Variants in HEPHL1 observed in about 807,000 individuals in gnomAD.
HEPHL1 encodes hephaestin like 1, also known as ferroxidase HEPHL1.
Under a neutral mutation model 122.0 loss-of-function variants are expected in HEPHL1, and 123 were observed. That is an observed-to-expected ratio of 1.01 (90% CI 0.87 to 1.17). The LOEUF (loss-of-function observed/expected upper bound fraction) is 1.17, where lower values mean the gene tolerates loss of function less well. Among genes scored for constraint, HEPHL1 ranks in the 50% most tolerant of loss-of-function variants. The pLI, the probability that HEPHL1 is intolerant of heterozygous loss-of-function variation, is 0.00. For missense variants in HEPHL1, 1,452 were observed against 1,430.5 expected, an observed-to-expected ratio of 1.01 and a Z score of -0.24; for synonymous variants, 527 against 508.9, an observed-to-expected ratio of 1.04 and a Z score of -0.48.
At chr11:94,099,239 C>T (rs1311665106) in intron 13 of HEPHL1, among the ~76,000 whole-genome samples, 1 of 152,252 alleles carries the variant, frequency 6.6e-6, no homozygotes, top group Non-Finnish European at 1.5e-5. Context: ...ACAGTCAGGG[C>T]CCTCAGCTGC....
chr11:94,053,596 T>A (rs770605875), intron 2 of HEPHL1, among the ~76,000 whole-genome samples: 1 of 152,218 alleles, frequency 6.6e-6, no homozygotes, highest in Non-Finnish European at 1.5e-5. Flanking sequence ...ACTTAAAATC[T>A]AAATTTCCTT....
At chr11:94,064,047 C>G (rs184760225) in intron 3 of HEPHL1, among the ~76,000 whole-genome samples, 3 of 152,168 alleles carry the variant, frequency 2.0e-5, no homozygotes, top group Non-Finnish European at 2.9e-5. Flanking sequence ...GCTATTTTAT[C>G]CCTTATTAGT....
chr11:94,063,563 T>C lies in HEPHL1; in HGVS notation c.471T>C (p.Pro157=), dbSNP rs1227072600. The change falls in exon 3 of 20, where the codon CCT becomes CCC. Residue 157 remains proline (P), a synonymous_variant. Transcript: ENST00000315765. ...SGRNKNDDMV[P]PGKNYTYVWP... ...GGAACAAAAATGATGACATGGTTCC[T>C]CCTGGGAAAAACTACACCTACGTCT... The C allele has an allele frequency of 6.2e-7, 1 of 1,613,504 alleles. No homozygotes were observed. The highest frequency in any genetic ancestry group is 8.5e-7 in the Non-Finnish European group (1 of 1,179,760).
chr11:94,109,740 T>C (rs1383685374), intron 17 of HEPHL1, among the ~76,000 whole-genome samples: 2 of 152,204 alleles, frequency 1.3e-5, no homozygotes, highest in Non-Finnish European at 2.9e-5. Context: ...TTTGCTAGTA[T>C]TTTGTTATGG....
intron 1 of HEPHL1, among the ~76,000 whole-genome samples, chr11:94,029,131 C>G (rs555953179): frequency 6.6e-6 from 1 of 152,274 alleles, no homozygotes; most frequent in South Asian, 2.1e-4. Flanking sequence ...CCAGCCTCAA[C>G]AAATTTTTAT....
At chr11:94,048,169 C>G (rs1316154575) in intron 2 of HEPHL1, among the ~76,000 whole-genome samples, 2 of 152,038 alleles carry the variant, frequency 1.3e-5, no homozygotes, top group African/African-American at 2.4e-5. Context: ...TAATGTAATT[C>G]CTTTTAAGGC....
At chr11:94,056,563 T>C (rs1360825542) in intron 2 of HEPHL1, among the ~76,000 whole-genome samples, 4 of 152,250 alleles carry the variant, frequency 2.6e-5, no homozygotes, top group South Asian at 4.1e-4. Flanking sequence ...ATATGCACCC[T>C]AGTTTATTAC....
chr11:94,092,030 GT>G (rs1367601861), intron 12 of HEPHL1, among the ~76,000 whole-genome samples: 1 of 152,158 alleles, frequency 6.6e-6, no homozygotes, highest in Non-Finnish European at 1.5e-5. Context: ...GTTGTTAAAT[GT>G]ATAGCTTAGG....
chr11:94,023,946 G>T (rs2134400383), intron 1 of HEPHL1, among the ~76,000 whole-genome samples: 1 of 152,302 alleles, frequency 6.6e-6, no homozygotes, highest in Non-Finnish European at 1.5e-5. Context: ...TGGACCACAA[G>T]ATATCCATCC....
intron 2 of HEPHL1, among the ~76,000 whole-genome samples, chr11:94,061,856 C>T (rs1357288249): frequency 6.6e-6 from 1 of 152,048 alleles, no homozygotes; most frequent in Non-Finnish European, 1.5e-5. Flanking sequence ...CTTGAAAATA[C>T]TCTCTCAGAA....
intron 2 of HEPHL1, among the ~76,000 whole-genome samples, chr11:94,049,591 A>T (rs2134418193): frequency 6.7e-6 from 1 of 148,884 alleles, no homozygotes; most frequent in South Asian, 2.2e-4. Context: ...TCCTGAGAAT[A>T]AAAGATGAAT....
At position 94,111,586 on chromosome 11, in the gene HEPHL1, A is replaced by C; in HGVS notation, c.3258A>C (p.Pro1086=). The C allele has an allele frequency of 3.7e-6, 6 of 1,606,480 alleles. No homozygotes were observed. The highest frequency in any genetic ancestry group is 5.1e-6 in the Non-Finnish European group (6 of 1,176,226). The part of the protein sequence containing the change: ...STTSPGVASH[P]ATVPSNERPG... ...CATCTCCTGGAGTGGCATCTCACCC[A>C]GCCACGGTGCCATCTAACGGTAATG... Residue 1086 remains proline, a synonymous_variant, in exon 19 of 20, where the codon CCA becomes CCC. Coordinates refer to ENST00000315765, the MANE Select transcript of HEPHL1 (RefSeq NM_001098672.2).
intron 13 of HEPHL1, among the ~76,000 whole-genome samples, chr11:94,099,853 C>T (rs549867704): frequency 6.6e-6 from 1 of 152,316 alleles, no homozygotes; most frequent in South Asian, 2.1e-4. Flanking sequence ...TTTGCTAAGA[C>T]CATTGGAAAA....
chr11:94,024,261 C>A (rs575737198), intron 1 of HEPHL1, among the ~76,000 whole-genome samples: 127 of 152,304 alleles, frequency 8.3e-4, no homozygotes, highest in African/African-American at 2.8e-3. Context: ...TTGCTCTGCC[C>A]AACTTGCTGT....
intron 2 of HEPHL1, 33 bp from the exon 3 acceptor site, chr11:94,063,475 T>C: frequency 6.0e-6 from 9 of 1,501,970 alleles, no homozygotes; most frequent in Non-Finnish European, 8.2e-6. Context: ...TTAACTATGT[T>C]TTACCTTTTT....
At position 94,088,998 on chromosome 11, in the gene HEPHL1, C is replaced by T. The variant is rs1258859044; in HGVS notation, c.2294+30C>T. On this transcript the variant is annotated intron_variant, in intron 12 of 19. Coordinates refer to ENST00000315765, the MANE Select transcript of HEPHL1 (RefSeq NM_001098672.2). ...CACAGGCGCCGCCGCTAGGGCTCCT[C>T]GGTGGGATCGCGCATGCTCCGTAGG... 7 of 1,594,362 alleles carry T rather than the reference C, an allele frequency of 4.4e-6. 1 individual carries two copies. Among genetic ancestry groups the T allele is most frequent in the Non-Finnish European group, 6.0e-6 (7 of 1,162,468 alleles).
At chr11:94,036,857 A>AG (rs1945729647) in intron 1 of HEPHL1, among the ~76,000 whole-genome samples, 2 of 149,590 alleles carry the variant, frequency 1.3e-5, no homozygotes, top group African/African-American at 4.9e-5. Context: ...AAAAAAAAAA[A>AG]GGGAGGAGCC....
Position 94,073,106 on chromosome 11 carries a change from T to A in HEPHL1, c.1314T>A (p.Asp438Glu). ...YWKVRYTEFV[D>E]ATFTKRKRLS... is the part of the protein sequence containing the mutation. ...AGGTTCGGTATACTGAATTTGTTGA[T>A]GCAACTTTTACTAAAAGAAAGAGAC... Residue 438 changes from aspartate to glutamate, a missense_variant, in exon 7 of 20, where the codon GAT becomes GAA. Transcript: ENST00000315765. The A allele has an allele frequency of 6.2e-7, 1 of 1,613,222 alleles. No homozygotes were observed. The highest frequency in any genetic ancestry group is 8.5e-7 in the Non-Finnish European group (1 of 1,179,482).
At position 94,111,846 on chromosome 11, in the gene HEPHL1, A is replaced by T; in HGVS notation, c.3432A>T (p.Thr1144=). Residue 1144 remains threonine (T), a synonymous_variant, in exon 20 of 20, where the codon ACA becomes ACT. Transcript: ENST00000315765. ...GACTCTGCTCTGCAATGAAGCAGAC[A>T]GATTACCAGCAAGTCCAGTCCTGTG... The part of the protein sequence containing the change: ...SLRLCSAMKQ[T]DYQQVQSCAL... The T allele has an allele frequency of 2.0e-6, 3 of 1,534,292 alleles. No individual in the cohort carries two copies. The highest frequency in any genetic ancestry group is 2.6e-6 in the Non-Finnish European group (3 of 1,143,284).
Sources: allele counts gnomAD v4.1 joint callset (sites outside exome capture counted in the v4.1 genomes callset), GRCh38; gene constraint gnomAD v4.1.1; transcripts MANE v1.5; gene names NCBI Gene and HGNC (gene_info 2026-07-23, HGNC 2026-07-21).